The following SLC26A5 variants were observed in gnomAD, a reference collection of about 807,000 sequenced individuals.
SLC26A5 encodes prestin.
Under a neutral mutation model 81.0 loss-of-function variants are expected in SLC26A5, and 51 were observed. The ratio of observed to expected loss-of-function variants is 0.63; its 90% CI spans 0.50 to 0.80. The LOEUF is 0.80. Ranked by LOEUF, SLC26A5 falls within the 30% of genes least tolerant of loss-of-function variation. SLC26A5 has a pLI of 0.00. For missense variants in SLC26A5, 771 were observed against 905.8 expected, an observed-to-expected ratio of 0.85 and a Z score of 1.91; for synonymous variants, 325 against 332.8, an observed-to-expected ratio of 0.98 and a Z score of 0.25.
chr7:103,444,858 T>C (rs930531372), intron 1 of SLC26A5, among the ~76,000 whole-genome samples: 4 of 152,204 alleles, frequency 2.6e-5, no homozygotes, highest in Admixed American at 2.6e-4. Context: ...TTCCCTCCTG[T>C]CCTTTGCCTG....
downstream of SLC26A5, among the ~76,000 whole-genome samples, chr7:103,370,695 A>T (rs1341779599): frequency 1.3e-5 from 2 of 152,216 alleles, no homozygotes. Flanking sequence ...TCCCATTATC[A>T]GCTGCCATAT....
intron 18 of SLC26A5, among the ~76,000 whole-genome samples, chr7:103,377,291 A>G (rs1821422472): frequency 6.6e-6 from 1 of 152,198 alleles, no homozygotes; most frequent in African/African-American, 2.4e-5. Context: ...TTCTTGTAGC[A>G]ATACACATTA....
chr7:103,362,290 C>A, intron 19 of SLC26A5: 1 of 1,398,384 alleles, frequency 7.2e-7, no homozygotes, highest in South Asian at 1.6e-5. Context: ...CCTACTCCCA[C>A]TGTTGTTTAT....
At chr7:103,420,391 G>C (rs1256655039) in intron 4 of SLC26A5, among the ~76,000 whole-genome samples, 1 of 151,022 alleles carries the variant, frequency 6.6e-6, no homozygotes, top group East Asian at 2.0e-4. Context: ...GAACTTTGGG[G>C]CTCAAATGAT....
chr7:103,369,095 A>G (rs1219873949), intron 19 of SLC26A5: 1 of 152,222 alleles, frequency 6.6e-6, no homozygotes, highest in Admixed American at 6.5e-5. Flanking sequence ...TTTAATTCAC[A>G]ATAGAAAAAG....
chr7:103,405,524 A>T (rs1172684732), intron 8 of SLC26A5, among the ~76,000 whole-genome samples: 2 of 152,204 alleles, frequency 1.3e-5, no homozygotes, highest in Non-Finnish European at 2.9e-5. Context: ...GCTGCAGAAC[A>T]GCAATGATTG....
At chr7:103,398,626 T>A (rs1823337499) in intron 8 of SLC26A5, among the ~76,000 whole-genome samples, 1 of 152,110 alleles carries the variant, frequency 6.6e-6, no homozygotes, top group African/African-American at 2.4e-5. Context: ...ACTTGGGGTG[T>A]AAAGTACAAT....
chr7:103,399,478 G>A (rs907360448), intron 8 of SLC26A5, among the ~76,000 whole-genome samples: 2 of 152,262 alleles, frequency 1.3e-5, no homozygotes, highest in African/African-American at 4.8e-5. Context: ...AGGTTTGAAG[G>A]TATTGCTTCC....
In SLC26A5 at chr7:103,410,598, G is replaced by A. The variant is rs549983015; in HGVS notation, c.571-49C>T. On this transcript the variant is annotated intron_variant, in intron 6 of 19. Coordinates refer to ENST00000306312, the MANE Select transcript of SLC26A5 (RefSeq NM_198999.3). ...AACAAATGAATCACATGATAGGTCA[G>A]GAAGTTATGACCCACAGCAAATATA... 9 of 1,506,568 alleles carry A rather than the reference G, an allele frequency of 6.0e-6. No individual in the cohort carries two copies. The South Asian group carries it at 9.4e-5, about 16-fold the overall frequency. The allele number at this position is 1,506,568 out of a possible 1,614,324, so 93.3% of individuals were successfully genotyped here.
intron 19 of SLC26A5, 139 bp downstream of exon 19, chr7:103,376,669 C>T: frequency 1.5e-6 from 1 of 678,868 alleles, no homozygotes; most frequent in Non-Finnish European, 2.5e-6. Context: ...TCAAAGCTGG[C>T]TTTAGAGTGA....
chr7:103,366,423 G>A (rs556179284), intron 19 of SLC26A5, among the ~76,000 whole-genome samples: 1 of 152,292 alleles, frequency 6.6e-6, no homozygotes, highest in Non-Finnish European at 1.5e-5. Flanking sequence ...TGTTTGAGAA[G>A]TGTTTTGGAA....
intron 12 of SLC26A5, 72 bp downstream of exon 12, chr7:103,390,357 G>T: frequency 7.4e-7 from 1 of 1,347,786 alleles, no homozygotes; most frequent in Non-Finnish European, 1.1e-6. Flanking sequence ...ATAGCCATAA[G>T]AACATAAACA....
chr7:103,388,566 T>C (rs1563527851), intron 14 of SLC26A5: 1 of 308,844 alleles, frequency 3.2e-6, no homozygotes, highest in African/African-American at 2.2e-5. Flanking sequence ...GGAGAAGAGA[T>C]AACAAGGGAA....
rs149734094 is a variant in SLC26A5 at position 103,441,380 on chromosome 7, G to T, written c.-54+1703C>A. Among the ~76,000 whole-genome samples, 381 of 152,276 alleles carry T rather than the reference G, an allele frequency of 2.5e-3. 2 individuals are homozygous for T. The highest frequency in any genetic ancestry group is 9.0e-3 in the African/African-American group (372 of 41,538). On this transcript the variant is annotated intron_variant, in intron 2 of 19. Transcript: ENST00000306312. Reference sequence around the variant, plus strand: ...TAAGTCCTAACTCTAAATTTAAGAAGAATTTTCCAAGTGTGAAAATCTACA... The same window carrying T: ...TAAGTCCTAACTCTAAATTTAAGAATAATTTTCCAAGTGTGAAAATCTACA...
intron 19 of SLC26A5, chr7:103,355,696 A>G: frequency 6.2e-7 from 1 of 1,611,550 alleles, no homozygotes; most frequent in Non-Finnish European, 8.5e-7. Flanking sequence ...CTATGTAGGT[A>G]TTAAAGAATC....
intron 14 of SLC26A5, among the ~76,000 whole-genome samples, chr7:103,385,999 C>T (rs986122425): frequency 6.6e-6 from 1 of 151,580 alleles, no homozygotes; most frequent in Non-Finnish European, 1.5e-5. Flanking sequence ...GTGATCTTGG[C>T]TCACTGCAAC....
chr7:103,361,142 C>T (rs139404267), intron 19 of SLC26A5, among the ~76,000 whole-genome samples: 2 of 139,886 alleles, frequency 1.4e-5, no homozygotes, highest in African/African-American at 5.3e-5. Flanking sequence ...AAAAAACAAG[C>T]TTCTACTGCC....
chr7:103,362,321 A>C (rs987711820), intron 19 of SLC26A5: 2 of 1,372,376 alleles, frequency 1.5e-6, no homozygotes, highest in Non-Finnish European at 1.9e-6. Flanking sequence ...TTCAAATTTC[A>C]GAGTTGAGGT....
chr7:103,396,227 A>T (rs888692297), intron 9 of SLC26A5, among the ~76,000 whole-genome samples: 8 of 152,226 alleles, frequency 5.3e-5, no homozygotes, highest in African/African-American at 1.9e-4. Context: ...ACCACTTGCC[A>T]CTATGGGTGG....
Sources: gnomAD v4.1 joint callset for allele counts (sites outside exome capture counted in the v4.1 genomes callset) on GRCh38, gnomAD v4.1.1 for gene constraint, MANE v1.5 for transcripts, NCBI Gene and HGNC (gene_info 2026-07-23, HGNC 2026-07-21) for gene names.